The following GRID2 variants were observed in gnomAD, a reference collection of about 807,000 sequenced individuals.
GRID2 encodes the protein glutamate ionotropic receptor delta type subunit 2, also known as glutamate receptor ionotropic, delta-2.
Under a neutral mutation model 114.8 loss-of-function variants are expected in GRID2, and 33 were observed. That is an observed-to-expected ratio of 0.29 (90% CI 0.22 to 0.38). The LOEUF is 0.38. Among genes scored for constraint, GRID2 ranks in the 10% least tolerant of loss-of-function variants. GRID2 has a pLI of 1.00. For synonymous variants in GRID2, 505 were observed against 449.9 expected, an observed-to-expected ratio of 1.12 and a Z score of -1.55; for missense variants, 1,184 against 1,257.7, an observed-to-expected ratio of 0.94 and a Z score of 0.89.
At chr4:92,796,023 A>T (rs1739850556) in intron 2 of GRID2, among the ~76,000 whole-genome samples, 1 of 151,892 alleles carries the variant, frequency 6.6e-6, no homozygotes, top group Non-Finnish European at 1.5e-5. Context: ...CTTTAGTAGG[A>T]ATTTACTGTT....
chr4:92,450,440 CAAA>C (rs1279323722), intron 1 of GRID2, among the ~76,000 whole-genome samples: 1 of 151,730 alleles, frequency 6.6e-6, no homozygotes, highest in Non-Finnish European at 1.5e-5. Context: ...TCAATGAAGG[CAAA>C]AAAGGTCCAT....
chr4:93,053,639 C>G (rs1025444646), intron 2 of GRID2, among the ~76,000 whole-genome samples: 1 of 151,956 alleles, frequency 6.6e-6, no homozygotes, highest in Non-Finnish European at 1.5e-5. Flanking sequence ...GTCATATTTG[C>G]ATAGCTAAAG....
intron 2 of GRID2, among the ~76,000 whole-genome samples, chr4:92,907,131 C>T (rs368753192): frequency 6.6e-6 from 1 of 152,116 alleles, no homozygotes; most frequent in Non-Finnish European, 1.5e-5. Flanking sequence ...TGATCATCAA[C>T]CAGTATATGC....
At chr4:92,734,720 G>C (rs1736505122) in intron 2 of GRID2, among the ~76,000 whole-genome samples, 1 of 148,242 alleles carries the variant, frequency 6.7e-6, no homozygotes, top group African/African-American at 2.5e-5. Context: ...TACAATATAT[G>C]TATTTTAACT....
intron 13 of GRID2, among the ~76,000 whole-genome samples, chr4:93,616,469 C>A (rs1369278793): frequency 6.6e-6 from 1 of 150,564 alleles, no homozygotes; most frequent in East Asian, 2.0e-4. Context: ...ATGGTTTGAA[C>A]CCTGGAGGTG....
chr4:92,903,838 C>T (rs1466964077), intron 2 of GRID2, among the ~76,000 whole-genome samples: 4 of 152,038 alleles, frequency 2.6e-5, no homozygotes, highest in Non-Finnish European at 5.9e-5. Flanking sequence ...TACCGCACTT[C>T]TCTCTCCTCA....
At chr4:92,573,607 TGTA>T (rs1727734384) in intron 1 of GRID2, among the ~76,000 whole-genome samples, 1 of 152,200 alleles carries the variant, frequency 6.6e-6, no homozygotes, top group Admixed American at 6.5e-5. Context: ...TCAATTTCCA[TGTA>T]GTTGTATGGT....
At chr4:93,534,523 G>C (rs1731832343) in intron 13 of GRID2, among the ~76,000 whole-genome samples, 1 of 152,042 alleles carries the variant, frequency 6.6e-6, no homozygotes, top group South Asian at 2.1e-4. Flanking sequence ...ATGAGGGCAA[G>C]AATTTTTGCC....
At chr4:92,763,792 G>A (rs1266899959) in intron 2 of GRID2, among the ~76,000 whole-genome samples, 1 of 152,184 alleles carries the variant, frequency 6.6e-6, no homozygotes, top group Admixed American at 6.5e-5. Context: ...GAGAGAGTTA[G>A]TAGATGAGGC....
chr4:92,716,185 A>G (rs773729878), intron 2 of GRID2, among the ~76,000 whole-genome samples: 6 of 152,216 alleles, frequency 3.9e-5, no homozygotes, highest in Non-Finnish European at 8.8e-5. Context: ...TTCTTTCACG[A>G]GTCAAAATTC....
At chr4:93,677,221 G>A (rs1724974642) in intron 14 of GRID2, among the ~76,000 whole-genome samples, 1 of 152,224 alleles carries the variant, frequency 6.6e-6, no homozygotes, top group Admixed American at 6.5e-5. Flanking sequence ...CAGTGAGGCT[G>A]GGGGAGGGGC....
chr4:92,485,497 C>G (rs1356892247), intron 1 of GRID2, among the ~76,000 whole-genome samples: 2 of 150,562 alleles, frequency 1.3e-5, no homozygotes, highest in African/African-American at 4.9e-5. Context: ...GTCAGGAGTT[C>G]AAGACTAGCC....
chr4:93,338,365 C>T (rs542367896), intron 8 of GRID2, among the ~76,000 whole-genome samples: 2 of 152,106 alleles, frequency 1.3e-5, no homozygotes, highest in South Asian at 2.1e-4. Context: ...TAAATGTTCT[C>T]GATTACAAGT....
intron 11 of GRID2, among the ~76,000 whole-genome samples, chr4:93,476,221 A>G (rs28493549): frequency 0.46 from 69,382 of 151,868 alleles, 18,351 homozygotes; most frequent in African/African-American, 0.72. Context: ...ATGTGTTAAA[A>G]GTAGAAAACA....
At chr4:93,292,575 C>T (rs553859785) in intron 8 of GRID2, among the ~76,000 whole-genome samples, 2 of 152,254 alleles carry the variant, frequency 1.3e-5, no homozygotes, top group African/African-American at 4.8e-5. Context: ...TTTGTGCCAG[C>T]AACTAAATGA....
chr4:93,685,517 TAGG>T (rs1221447033), intron 14 of GRID2, among the ~76,000 whole-genome samples: 1 of 152,064 alleles, frequency 6.6e-6, no homozygotes, highest in Non-Finnish European at 1.5e-5. Context: ...GTAATTTCCA[TAGG>T]AGTAGAGATC....
chr4:93,360,745 T>C (rs1329721132), intron 8 of GRID2, among the ~76,000 whole-genome samples: 1 of 149,906 alleles, frequency 6.7e-6, no homozygotes, highest in Non-Finnish European at 1.5e-5. Flanking sequence ...TGTTTTATAA[T>C]TTGTAATTCA....
At chr4:93,746,540 T>A (rs887859910) in intron 14 of GRID2, among the ~76,000 whole-genome samples, 14 of 152,086 alleles carry the variant, frequency 9.2e-5, no homozygotes, top group African/African-American at 2.2e-4. Flanking sequence ...GATTACAGTC[T>A]TTCTCAAGAA....
chr4:92,862,096 G>T (rs1306213779), intron 2 of GRID2, among the ~76,000 whole-genome samples: 1 of 151,910 alleles, frequency 6.6e-6, no homozygotes, highest in Non-Finnish European at 1.5e-5. Flanking sequence ...GTCTTACAGG[G>T]CATGGATAAA....
Sources: gnomAD v4.1 joint callset for allele counts (sites outside exome capture counted in the v4.1 genomes callset) on GRCh38, gnomAD v4.1.1 for gene constraint, MANE v1.5 for transcripts, NCBI Gene and HGNC (gene_info 2026-07-23, HGNC 2026-07-21) for gene names.